Variants in LIPA observed in about 807,000 individuals in gnomAD.
The protein encoded by LIPA is lysosomal acid lipase/cholesteryl ester hydrolase.
A neutral mutation model predicts 40.6 loss-of-function variants in LIPA; 26 were observed. That is an observed-to-expected ratio of 0.64 (90% CI 0.47 to 0.89). The LOEUF is 0.89. Among genes scored for constraint, LIPA ranks in the 40% least tolerant of loss-of-function variants. The pLI is 0.00. For synonymous variants in LIPA, 188 were observed against 168.4 expected (o/e 1.12, Z -0.90); for missense variants, 455 against 479.6 (o/e 0.95, Z 0.48).
intron 8 of LIPA, among the ~76,000 whole-genome samples, chr10:89,221,265 G>T (rs1420339734): frequency 6.6e-6 from 1 of 152,056 alleles, no homozygotes; most frequent in Non-Finnish European, 1.5e-5. Context: ...TGAGGCAGGA[G>T]AATCACATGA....
intron 2 of LIPA, among the ~76,000 whole-genome samples, chr10:89,353,455 G>A (rs1471209984): frequency 6.6e-6 from 1 of 152,158 alleles, no homozygotes; most frequent in African/African-American, 2.4e-5. Context: ...CAACCCAAGG[G>A]AAGAAACAGG....
chr10:89,406,940 T>C (rs535551636), intron 2 of LIPA, among the ~76,000 whole-genome samples: 1 of 152,260 alleles, frequency 6.6e-6, no homozygotes, highest in East Asian at 1.9e-4. Flanking sequence ...TCCTTAGAAT[T>C]CGGGGGCTAA....
In LIPA at chr10:89,266,137, C is replaced by T. The variant is rs185505084; in HGVS notation, c.-1-18488G>A. 1.2e-3 allele frequency among the ~76,000 whole-genome samples: 177 copies of T among 152,272 alleles called. 1 individual carries two copies. Among genetic ancestry groups the T allele is most frequent in the African/African-American group, 3.8e-3 (156 of 41,578 alleles). On this transcript the variant is annotated intron_variant, in intron 1 of 5. Coordinates refer to the LIPA transcript ENST00000282673. The stretch of plus-strand genomic sequence containing the variant: ...TAACTTTTTAATCAAAACACAGCAT[C>T]GTAGGTGGAGACTGAAAGCCTGCTG...
At chr10:89,342,675 A>G (rs888301826) in exon 1 of LIPA, 1 of 152,210 alleles carries the variant, frequency 6.6e-6, no homozygotes, top group Non-Finnish European at 1.5e-5. Flanking sequence ...TGTACAGCTC[A>G]GTTTCGTGTT....
intron 2 of LIPA, among the ~76,000 whole-genome samples, chr10:89,369,782 T>C (rs188956967): frequency 6.6e-6 from 1 of 152,300 alleles, no homozygotes; most frequent in East Asian, 1.9e-4. Flanking sequence ...TTGAGTTTTT[T>C]AAAAAGGAGA....
At chr10:89,290,952 C>G (rs1199191574) in intron 1 of LIPA, among the ~76,000 whole-genome samples, 1 of 152,184 alleles carries the variant, frequency 6.6e-6, no homozygotes, top group African/African-American at 2.4e-5. Flanking sequence ...GTGTATGTTA[C>G]AGTTGGTTTC....
chr10:89,227,618 G>A (rs74149931), intron 4 of LIPA, among the ~76,000 whole-genome samples: 2,752 of 152,268 alleles, frequency 0.018, 88 homozygotes, highest in African/African-American at 0.062. Flanking sequence ...ATATGCATGC[G>A]CATGTTGCCA....
At position 89,281,944 on chromosome 10, in the gene LIPA, AAC is replaced by A. The variant is rs1843318394; in HGVS notation, c.-1-34297_-1-34296del. On this transcript the variant is annotated intron_variant, in intron 1 of 5. Transcript: ENST00000282673. Reference sequence around the variant, plus strand: ...TGGCTCTTGGTTCTCCATCAGAATAAACAGTTATGGTACTATTAGAGTTTTCC... The same window carrying A: ...TGGCTCTTGGTTCTCCATCAGAATAAAGTTATGGTACTATTAGAGTTTTCC... Among the ~76,000 whole-genome samples, 4 of 152,344 alleles carry A rather than the reference AAC, an allele frequency of 2.6e-5. No homozygotes were observed. In the South Asian group the frequency reaches 8.3e-4, roughly 32 times the overall value.
intron 1 of LIPA, chr10:89,328,166 T>C (rs1843617268): frequency 8.1e-7 from 1 of 1,238,760 alleles, no homozygotes; most frequent in Admixed American, 1.7e-5. Flanking sequence ...ATTCCTGAAT[T>C]GTCCTGATGT....
chr10:89,295,879 C>G (rs551170341), intron 1 of LIPA, among the ~76,000 whole-genome samples: 5 of 152,308 alleles, frequency 3.3e-5, no homozygotes, highest in African/African-American at 1.2e-4. Flanking sequence ...CATGCATAGT[C>G]TCACACTAAC....
intron 3 of LIPA, among the ~76,000 whole-genome samples, chr10:89,243,858 G>C (rs1361200382): frequency 6.6e-6 from 1 of 152,210 alleles, no homozygotes; most frequent in Admixed American, 6.5e-5. Flanking sequence ...GTTTTACTGA[G>C]ATGCTTACCA....
chr10:89,392,738 C>A (rs1844275609), intron 2 of LIPA: 1 of 1,613,110 alleles, frequency 6.2e-7, no homozygotes. Context: ...CTTTGCTCCT[C>A]TGCCATAATG....
chr10:89,266,552 G>A (rs139909814), intron 1 of LIPA, among the ~76,000 whole-genome samples: 5 of 152,274 alleles, frequency 3.3e-5, no homozygotes, highest in East Asian at 1.9e-4. Context: ...CTTGGATCCC[G>A]TGCCTGAAAT....
intron 7 of LIPA, 93 bp from the exon 8 acceptor site, chr10:89,222,675 A>C: frequency 2.4e-6 from 2 of 836,062 alleles, no homozygotes; most frequent in Middle Eastern, 2.2e-4. Context: ...AGCACTAAAA[A>C]CTAGAGCCAT....
At chr10:89,258,624 T>C (rs1843192669) in intron 1 of LIPA, among the ~76,000 whole-genome samples, 1 of 152,190 alleles carries the variant, frequency 6.6e-6, no homozygotes, top group Admixed American at 6.5e-5. Flanking sequence ...GTGGCCACTT[T>C]GGAAAACAGT....
At chr10:89,257,098 G>A (rs1564770471) in intron 1 of LIPA, among the ~76,000 whole-genome samples, 2 of 152,334 alleles carry the variant, frequency 1.3e-5, no homozygotes, top group Admixed American at 6.5e-5. Flanking sequence ...CCTTGGCTAC[G>A]AGGATCAATA....
At chr10:89,234,726 T>C (rs1842883712) in intron 3 of LIPA, among the ~76,000 whole-genome samples, 1 of 152,222 alleles carries the variant, frequency 6.6e-6, no homozygotes, top group South Asian at 2.1e-4. Context: ...TGTTTCTCTC[T>C]GGGAAGGTAA....
intron 1 of LIPA, among the ~76,000 whole-genome samples, chr10:89,323,555 G>C (rs2133533974): frequency 6.6e-6 from 1 of 151,894 alleles, no homozygotes; most frequent in South Asian, 2.1e-4. Context: ...CTACCCAAAA[G>C]CTCGTAGGTC....
At chr10:89,389,526 T>C (rs902103823) in intron 2 of LIPA, among the ~76,000 whole-genome samples, 2 of 152,176 alleles carry the variant, frequency 1.3e-5, no homozygotes, top group African/African-American at 4.8e-5. Context: ...CTAGATCCTA[T>C]TCTACCTGGC....
Sources: gnomAD v4.1 joint callset for allele counts (sites outside exome capture counted in the v4.1 genomes callset) on GRCh38, gnomAD v4.1.1 for gene constraint, MANE v1.5 for transcripts, NCBI Gene and HGNC (gene_info 2026-07-23, HGNC 2026-07-21) for gene names.